Variants in RBM17 observed in about 807,000 individuals in gnomAD.
The protein encoded by RBM17 is RNA binding motif protein 17.
RBM17 carries 7 observed loss-of-function variants against 53.2 expected under a neutral mutation model. The observed-to-expected ratio is 0.13, with a 90% CI of 0.07 to 0.25. The LOEUF (loss-of-function observed/expected upper bound fraction) is 0.25, where lower values mean the gene tolerates loss of function less well. Among genes scored for constraint, RBM17 ranks in the 10% least tolerant of loss-of-function variants. RBM17 has a pLI of 1.00. For missense variants in RBM17, 257 were observed against 496.7 expected (o/e 0.52, Z 4.59); for synonymous variants, 167 against 178.1 (o/e 0.94, Z 0.50).
At chr10:6,094,413 A>G (rs1262465598) in intron 1 of RBM17, among the ~76,000 whole-genome samples, 1 of 142,398 alleles carries the variant, frequency 7.0e-6, no homozygotes, top group Non-Finnish European at 1.5e-5. Context: ...AGTTGCAAAC[A>G]AATTTTGATT....
intron 9 of RBM17, 65 bp from the exon 10 acceptor site, chr10:6,113,984 A>G: frequency 2.9e-6 from 3 of 1,024,046 alleles, no homozygotes; most frequent in Non-Finnish European, 4.5e-6. Context: ...TCATATTTAT[A>G]TACCTCTGCT....
intron 3 of RBM17, among the ~76,000 whole-genome samples, chr10:6,102,877 G>A (rs1039522201): frequency 2.0e-5 from 3 of 152,138 alleles, no homozygotes; most frequent in Non-Finnish European, 2.9e-5. Context: ...TTGGCTCACT[G>A]CAGCCTCCTC....
chr10:6,101,417 A>G, intron 3 of RBM17, 30 bp downstream of exon 3: 2 of 1,408,840 alleles, frequency 1.4e-6, no homozygotes, highest in Non-Finnish European at 1.0e-6. Flanking sequence ...TGAGCTTGAT[A>G]CGTGTCTCTG....
chr10:6,090,899 T>C (rs923860158), intron 1 of RBM17, among the ~76,000 whole-genome samples: 3 of 135,078 alleles, frequency 2.2e-5, no homozygotes, highest in African/African-American at 6.2e-5. Flanking sequence ...GTAGATCTTA[T>C]ACTTGAGGTA....
chr10:6,105,539 A>T (rs1174185866), intron 4 of RBM17, among the ~76,000 whole-genome samples: 1 of 152,202 alleles, frequency 6.6e-6, no homozygotes, highest in Non-Finnish European at 1.5e-5. Context: ...AAAATTTGAA[A>T]CACTTCTGGT....
At position 6,106,144 on chromosome 10, in the gene RBM17, G is replaced by A. The variant is rs760754830; in HGVS notation, c.411G>A (p.Arg137=). 2.5e-6 allele frequency: 4 copies of A among 1,610,634 alleles called. No homozygotes were observed. Among genetic ancestry groups the A allele is most frequent in the Non-Finnish European group, 3.4e-6 (4 of 1,177,102 alleles). ...TTTATTTCCTTTGTTATCACAGAAGGCGTAAAGACAGACATGAAGCAAGTG... is the reference window on the plus strand; with the variant it reads ...TTTATTTCCTTTGTTATCACAGAAGACGTAAAGACAGACATGAAGCAAGTG... ...RQKEIEEREK[R]RKDRHEASGF... The change falls in exon 5 of 12, where the codon AGG becomes AGA. Residue 137 remains arginine (R), a synonymous_variant. Coordinates refer to ENST00000379888, the MANE Select transcript of RBM17 (RefSeq NM_032905.5).
At chr10:6,099,160 C>G (rs1056806436) in intron 2 of RBM17, among the ~76,000 whole-genome samples, 1 of 151,964 alleles carries the variant, frequency 6.6e-6, no homozygotes, top group Non-Finnish European at 1.5e-5. Flanking sequence ...AGGGAAGATG[C>G]AGGTGTGAGC....
intron 5 of RBM17, among the ~76,000 whole-genome samples, chr10:6,107,601 C>T (rs1840773632): frequency 6.8e-6 from 1 of 147,536 alleles, no homozygotes; most frequent in Non-Finnish European, 1.5e-5. Context: ...TCTGCCTCAG[C>T]CTCCCAAGTA....
At chr10:6,109,057 T>TA (rs1166969637) in intron 6 of RBM17, among the ~76,000 whole-genome samples, 5 of 150,836 alleles carry the variant, frequency 3.3e-5, no homozygotes, top group Non-Finnish European at 7.4e-5. Context: ...AGCAGATCGT[T>TA]ACAGTTTTTT....
intron 10 of RBM17, chr10:6,114,989 A>G (rs568713131): frequency 4.5e-5 from 20 of 448,314 alleles, no homozygotes; most frequent in African/African-American, 3.9e-4. Context: ...ATCAGCTGGC[A>G]CAGGGCCTTT....
At chr10:6,109,792 A>G (rs187187050) in intron 6 of RBM17, among the ~76,000 whole-genome samples, 194 bp from the exon 7 acceptor site, 3 of 152,358 alleles carry the variant, frequency 2.0e-5, no homozygotes, top group Admixed American at 2.0e-4. Context: ...AGTTAGAATC[A>G]GGAAAGTAGC....
At chr10:6,109,917 T>C (rs544993553) in intron 6 of RBM17, 69 bp from the exon 7 acceptor site, 1 of 1,251,488 alleles carries the variant, frequency 8.0e-7, no homozygotes, top group Non-Finnish European at 1.1e-6. Flanking sequence ...GATAAATAAT[T>C]GATACAAGTG....
intron 7 of RBM17, among the ~76,000 whole-genome samples, chr10:6,110,707 G>A (rs910281458): frequency 6.6e-6 from 1 of 152,190 alleles, no homozygotes; most frequent in Non-Finnish European, 1.5e-5. Context: ...CCTGTGAGAC[G>A]GCTGTCCCAT....
At position 6,097,065 on chromosome 10, in the gene RBM17, G is replaced by A. The variant is rs201560984; in HGVS notation, c.-1G>A. ...CCTTTCAGCATTAAACTGAAGAAAA[G>A]ATGTCCCTGTACGATGACCTAGGAG... On this transcript the variant is annotated 5_prime_UTR_variant, in exon 2 of 12. Coordinates refer to ENST00000379888, the MANE Select transcript of RBM17 (RefSeq NM_032905.5). The A allele has an allele frequency of 1.2e-5, 19 of 1,612,726 alleles. No individual in the cohort carries two copies. Among genetic ancestry groups the A allele is most frequent in the Non-Finnish European group, 1.4e-5 (17 of 1,179,828 alleles).
intron 5 of RBM17, 199 bp from the exon 6 acceptor site, chr10:6,108,487 G>T: frequency 2.0e-6 from 1 of 492,596 alleles, no homozygotes; most frequent in Non-Finnish European, 3.7e-6. Flanking sequence ...CATATCTGAG[G>T]GAGTGTTGCC....
chr10:6,110,083 G>A lies in RBM17; in HGVS notation c.660G>A (p.Pro220=), dbSNP rs554139795. The A allele has an allele frequency of 1.1e-5, 17 of 1,611,324 alleles. No homozygotes were observed. Among genetic ancestry groups the A allele is most frequent in the East Asian group, 2.2e-5 (1 of 44,808 alleles). Residue 220 remains proline (P), a synonymous_variant, in exon 7 of 12, where the codon CCG becomes CCA. Coordinates refer to ENST00000379888, the MANE Select transcript of RBM17 (RefSeq NM_032905.5). Reference sequence around the variant, plus strand: ...CAGTGTACGAGGAACAAGACAGACCGAGATCTCCAACCGGACCTAGCAACT... The same window carrying A: ...CAGTGTACGAGGAACAAGACAGACCAAGATCTCCAACCGGACCTAGCAACT... The part of the protein sequence containing the change: ...PPPVYEEQDR[P]RSPTGPSNSF...
At chr10:6,114,383 T>A (rs1840884271) in intron 10 of RBM17, 1 of 387,724 alleles carries the variant, frequency 2.6e-6, no homozygotes, top group Non-Finnish European at 4.9e-6. Context: ...ATCAGTATGA[T>A]GACTGAAGAC....
rs1249044060 is a variant in RBM17, at chr10:6,101,297, C to T, written c.150C>T (p.Val50=). 1.2e-6 allele frequency: 2 copies of T among 1,612,790 alleles called. No individual in the cohort carries two copies. Among genetic ancestry groups the T allele is most frequent in the East Asian group, 2.2e-5 (1 of 44,778 alleles). The part of the protein sequence containing the change: ...AKSQRTKQST[V]LAPVIDLKRG... Reference sequence around the variant, plus strand: ...GCCAAAGGACGAAACAAAGTACAGTCCTCGCCCCAGTCATTGACCTGAAGC... The same window carrying T: ...GCCAAAGGACGAAACAAAGTACAGTTCTCGCCCCAGTCATTGACCTGAAGC... The change falls in exon 3 of 12, where the codon GTC becomes GTT. Residue 50 remains valine (V), a synonymous_variant. Coordinates refer to ENST00000379888, the MANE Select transcript of RBM17 (RefSeq NM_032905.5).
At chr10:6,113,456 A>G (rs1223670761) in intron 8 of RBM17, 52 bp from the exon 9 acceptor site, 2 of 1,217,208 alleles carry the variant, frequency 1.6e-6, no homozygotes, top group African/African-American at 3.0e-5. Context: ...TAACACATCT[A>G]ATGATATGCT....
Sources: allele counts gnomAD v4.1 joint callset (sites outside exome capture counted in the v4.1 genomes callset), GRCh38; gene constraint gnomAD v4.1.1; transcripts MANE v1.5; gene names NCBI Gene and HGNC (gene_info 2026-07-23, HGNC 2026-07-21).